Variants in NLGN1 observed in about 807,000 individuals in gnomAD.
NLGN1 encodes the protein neuroligin 1, also known as neuroligin-1.
A neutral mutation model predicts 65.5 loss-of-function variants in NLGN1; 12 were observed. That is an observed-to-expected ratio of 0.18 (90% CI 0.12 to 0.30). The LOEUF (loss-of-function observed/expected upper bound fraction) is 0.30, where lower values mean the gene tolerates loss of function less well. Ranked by LOEUF, NLGN1 falls within the 10% of genes least tolerant of loss-of-function variation. The pLI, the probability that NLGN1 is intolerant of heterozygous loss-of-function variation, is 1.00. For synonymous variants in NLGN1, 350 were observed against 359.5 expected (o/e 0.97, Z 0.30); for missense variants, 750 against 1,007.1 (o/e 0.74, Z 3.46).
chr3:173,535,956 CAT>C (rs1239269434), intron 2 of NLGN1, among the ~76,000 whole-genome samples: 1 of 152,182 alleles, frequency 6.6e-6, no homozygotes, highest in Admixed American at 6.5e-5. Context: ...CGTTTGCAGT[CAT>C]GTGATAAAAC....
chr3:174,133,824 A>G (rs553705517), intron 4 of NLGN1, among the ~76,000 whole-genome samples: 75 of 151,374 alleles, frequency 5.0e-4, no homozygotes, highest in African/African-American at 1.6e-3. Flanking sequence ...CTTTCTCACA[A>G]TGGAGTATTT....
chr3:173,526,262 A>T (rs1367065962), intron 2 of NLGN1, among the ~76,000 whole-genome samples: 2 of 151,870 alleles, frequency 1.3e-5, no homozygotes, highest in Admixed American at 1.3e-4. Flanking sequence ...CGTTGGGAAT[A>T]TATATATTTA....
chr3:173,505,500 CCT>C (rs1731883939), intron 2 of NLGN1, among the ~76,000 whole-genome samples: 2 of 152,052 alleles, frequency 1.3e-5, no homozygotes, highest in African/African-American at 4.8e-5. Flanking sequence ...ATATCTGCCT[CCT>C]CTCCAGAGAA....
At position 173,659,292 on chromosome 3, in the gene NLGN1, A is replaced by G. The variant is rs187925303; in HGVS notation, c.493+54201A>G. Among the ~76,000 whole-genome samples, 26 of 152,142 alleles carry G rather than the reference A, an allele frequency of 1.7e-4. 1 individual carries two copies. The highest frequency in any genetic ancestry group is 6.8e-3 in the Middle Eastern group (2 of 294). ...ACTCAATGGTGATGTATAAGCTATT[A>G]AAAACAAACCATATTAAAGAAAGGG... On this transcript the variant is annotated intron_variant, in intron 3 of 6. Coordinates refer to ENST00000457714, the Ensembl canonical transcript of NLGN1.
intron 3 of NLGN1, among the ~76,000 whole-genome samples, chr3:173,767,262 T>A (rs1778912951): frequency 1.3e-5 from 2 of 152,144 alleles, no homozygotes; most frequent in African/African-American, 4.8e-5. Flanking sequence ...TTATACTTGA[T>A]GACCAAATTA....
intron 2 of NLGN1, among the ~76,000 whole-genome samples, chr3:173,482,172 G>C (rs769859848): frequency 2.2e-4 from 33 of 151,736 alleles, no homozygotes; most frequent in Non-Finnish European, 4.1e-4. Context: ...CATTTTGATA[G>C]CATATATGGA....
intron 4 of NLGN1, among the ~76,000 whole-genome samples, chr3:174,037,845 T>G (rs1471755648): frequency 1.3e-5 from 2 of 151,702 alleles, no homozygotes; most frequent in Non-Finnish European, 3.0e-5. Flanking sequence ...GGTGGTAATT[T>G]AAACAATACA....
intron 4 of NLGN1, among the ~76,000 whole-genome samples, chr3:174,100,533 CTCTG>C (rs10576144): frequency 0.2 from 29,646 of 151,382 alleles, 4,174 homozygotes; most frequent in African/African-American, 0.4. Flanking sequence ...TAGGATCTGT[CTCTG>C]TCTGCTTGAT....
At chr3:173,829,553 CGT>C (rs10576627) in intron 4 of NLGN1, among the ~76,000 whole-genome samples, 100,363 of 144,698 alleles carry the variant, frequency 0.69, 34,218 homozygotes, top group Non-Finnish European at 0.76. Flanking sequence ...GGAGTGTGTG[CGT>C]GTGTGTGTGT....
At chr3:173,883,653 A>G (rs1013341023) in intron 4 of NLGN1, among the ~76,000 whole-genome samples, 3 of 151,976 alleles carry the variant, frequency 2.0e-5, no homozygotes, top group South Asian at 2.1e-4. Flanking sequence ...ATGGTGCACA[A>G]TGTGTTTGAA....
At chr3:174,169,415 G>T (rs75188802) in intron 4 of NLGN1, among the ~76,000 whole-genome samples, 9 of 151,976 alleles carry the variant, frequency 5.9e-5, no homozygotes, top group African/African-American at 1.9e-4. Context: ...CTTGGGCTTA[G>T]AACAGAGAGA....
chr3:173,668,626 T>C (rs1762044767), intron 3 of NLGN1, among the ~76,000 whole-genome samples: 1 of 150,632 alleles, frequency 6.6e-6, no homozygotes, highest in African/African-American at 2.4e-5. Flanking sequence ...TTTCTTTTTT[T>C]TTTTTTTTTT....
intron 3 of NLGN1, among the ~76,000 whole-genome samples, chr3:173,660,112 C>CG (rs5854528): frequency 0.95 from 144,086 of 151,940 alleles, 68,356 homozygotes; most frequent in East Asian, 0.99. Context: ...TCTTGCTATT[C>CG]GTAGAGACAG....
intron 4 of NLGN1, among the ~76,000 whole-genome samples, chr3:174,157,288 T>C (rs1358885495): frequency 6.6e-6 from 1 of 151,794 alleles, no homozygotes; most frequent in African/African-American, 2.4e-5. Context: ...GTGTAACTGG[T>C]AACCTTAGAA....
chr3:173,656,284 CA>C (rs1330327867), intron 3 of NLGN1, among the ~76,000 whole-genome samples: 1 of 151,942 alleles, frequency 6.6e-6, no homozygotes, highest in East Asian at 1.9e-4. Context: ...GTAGGCAAGA[CA>C]AAAAGGAGCA....
intron 3 of NLGN1, among the ~76,000 whole-genome samples, chr3:173,759,479 T>C (rs1777634481): frequency 6.6e-6 from 1 of 151,966 alleles, no homozygotes; most frequent in South Asian, 2.1e-4. Flanking sequence ...GCTATGTATG[T>C]TTTTAATTTG....
At chr3:173,525,106 G>T (rs766641076) in intron 2 of NLGN1, among the ~76,000 whole-genome samples, 1 of 152,112 alleles carries the variant, frequency 6.6e-6, no homozygotes, top group Non-Finnish European at 1.5e-5. Flanking sequence ...TTCTTCCTCA[G>T]GTTTTTAGTT....
At chr3:173,610,730 C>G (rs1469263773) in intron 3 of NLGN1, among the ~76,000 whole-genome samples, 1 of 151,744 alleles carries the variant, frequency 6.6e-6, no homozygotes. Context: ...TCAACTGTGC[C>G]AAATTAACTT....
At chr3:173,521,082 G>A (rs976130428) in intron 2 of NLGN1, among the ~76,000 whole-genome samples, 5 of 152,194 alleles carry the variant, frequency 3.3e-5, no homozygotes, top group South Asian at 4.2e-4. Flanking sequence ...GTGAAGAGAG[G>A]CATTAAGAAT....
Sources: allele counts gnomAD v4.1 joint callset (sites outside exome capture counted in the v4.1 genomes callset), GRCh38; gene constraint gnomAD v4.1.1; transcripts MANE v1.5; gene names NCBI Gene and HGNC (gene_info 2026-07-23, HGNC 2026-07-21).